The following RRP1B variants were observed in gnomAD, a reference collection of about 807,000 sequenced individuals.
RRP1B encodes the protein ribosomal RNA processing 1B, also known as ribosomal RNA processing protein 1 homolog B.
In RRP1B, 56 loss-of-function variants were observed where a neutral mutation model predicts 80.2. The ratio of observed to expected loss-of-function variants is 0.70; its 90% confidence interval spans 0.56 to 0.87. The LOEUF (loss-of-function observed/expected upper bound fraction) is 0.87, where lower values mean the gene tolerates loss of function less well. Ranked by LOEUF, RRP1B falls within the 40% of genes least tolerant of loss-of-function variation. The pLI is 0.00. For missense variants in RRP1B, 807 were observed against 939.8 expected, an observed-to-expected ratio of 0.86 and a Z score of 1.85; for synonymous variants, 351 against 357.6, an observed-to-expected ratio of 0.98 and a Z score of 0.21.
intron 11 of RRP1B, 88 bp downstream of exon 11, chr21:43,685,877 G>C (rs2083061301): frequency 6.7e-7 from 1 of 1,486,564 alleles, no homozygotes; most frequent in East Asian, 2.4e-5. Context: ...TGAGAAACAA[G>C]ATTGAAAGAA....
At chr21:43,664,349 A>G (rs541682733) in intron 1 of RRP1B, among the ~76,000 whole-genome samples, 4 of 152,238 alleles carry the variant, frequency 2.6e-5, no homozygotes, top group Admixed American at 6.5e-5. Flanking sequence ...AAAAAAGAAA[A>G]AGAAAAAAGG....
At chr21:43,689,106 C>A (rs2236665) in intron 13 of RRP1B, among the ~76,000 whole-genome samples, 107,162 of 152,170 alleles carry the variant, frequency 0.7, 38,798 homozygotes, top group African/African-American at 0.86. Flanking sequence ...CTCTGGGCGC[C>A]CTGGGCTTCC....
Position 43,693,500 on chromosome 21 carries a change from G to C in RRP1B, c.*117G>C. On this transcript the variant is annotated 3_prime_UTR_variant, in exon 16 of 16. Transcript: ENST00000340648. This position sits in a 1 kb window ranked among gnomAD's most constrained non-coding sequence, Gnocchi z 4.1. ...GTAAGTTCCCATAAGTTGTGTGCACGAGGTTCTGAGAGTGCCCGCAGGCTG... is the reference window on the plus strand; with the variant it reads ...GTAAGTTCCCATAAGTTGTGTGCACCAGGTTCTGAGAGTGCCCGCAGGCTG... 3.9e-6 allele frequency: 4 copies of C among 1,035,636 alleles called. No individual in the cohort carries two copies. The highest frequency in any genetic ancestry group is 5.3e-6 in the Non-Finnish European group (4 of 750,568). 64.2% of individuals were successfully genotyped at this position (1,035,636 alleles called of 1,614,324 possible).
chr21:43,668,340 A>G (rs1019549151), intron 1 of RRP1B, among the ~76,000 whole-genome samples: 4 of 151,724 alleles, frequency 2.6e-5, no homozygotes, highest in African/African-American at 9.7e-5. Context: ...ACTTTGGTCC[A>G]TTAAAAGGTC....
At chr21:43,688,426 G>A (rs922627742) in intron 13 of RRP1B, among the ~76,000 whole-genome samples, 186 bp downstream of exon 13, 4 of 152,216 alleles carry the variant, frequency 2.6e-5, no homozygotes, top group African/African-American at 9.7e-5. Context: ...CCAGTACTTC[G>A]GTCCTCCTCA....
intron 2 of RRP1B, 93 bp from the exon 3 acceptor site, chr21:43,672,215 A>T: frequency 9.7e-7 from 1 of 1,035,500 alleles, no homozygotes; most frequent in South Asian, 1.3e-5. Context: ...CCTTCCCACG[A>T]GCGGAAGTGG....
chr21:43,659,564 G>T lies in RRP1B; in HGVS notation c.-101G>T. On this transcript the variant is annotated 5_prime_UTR_variant, in exon 1 of 16. Coordinates refer to ENST00000340648, the MANE Select transcript of RRP1B (RefSeq NM_015056.3). The surrounding 1 kb of genome is among the most constrained non-coding windows in gnomAD (Gnocchi z 4.2). The stretch of plus-strand genomic sequence containing the variant: ...GCGCGCCGCCGCCGCCGCCTTCTGT[G>T]CAGTCGCGGCCCGGGCGGACGGTGG... 3 of 1,201,822 alleles carry T rather than the reference G, an allele frequency of 2.5e-6. No individual in the cohort carries two copies. The highest frequency in any genetic ancestry group is 3.1e-6 in the Non-Finnish European group (3 of 964,202). The allele number at this position is 1,201,822 out of a possible 1,614,324, so 74.4% of individuals were successfully genotyped here.
intron 1 of RRP1B, among the ~76,000 whole-genome samples, chr21:43,668,700 T>A (rs1444736949): frequency 6.6e-6 from 1 of 152,140 alleles, no homozygotes; most frequent in Admixed American, 6.5e-5. Context: ...TCTTTTGGAG[T>A]ATTAAGATCA....
rs2083015717 is a variant in RRP1B, at chr21:43,674,969, T to C, written c.420-65T>C. ...AGGTTCTAGACGGAGTATTTTTGTTTCTCTTTGGGAAGTGGGACGTGTTGG... is the reference window on the plus strand; with the variant it reads ...AGGTTCTAGACGGAGTATTTTTGTTCCTCTTTGGGAAGTGGGACGTGTTGG... On this transcript the variant is annotated intron_variant, in intron 5 of 15. Coordinates refer to ENST00000340648, the MANE Select transcript of RRP1B (RefSeq NM_015056.3). 10 of 1,590,744 alleles carry C rather than the reference T, an allele frequency of 6.3e-6. No individual in the cohort carries two copies. The Admixed American group carries it at 1.8e-4, about 28-fold the overall frequency.
chr21:43,669,211 G>T (rs973830735), intron 1 of RRP1B, among the ~76,000 whole-genome samples: 6 of 152,092 alleles, frequency 3.9e-5, no homozygotes, highest in Non-Finnish European at 7.4e-5. Context: ...TGCAGGGAGG[G>T]TGATTGACAA....
chr21:43,676,029 A>T lies in RRP1B; in HGVS notation c.550-243A>T, dbSNP rs2083020931. 2.0e-5 allele frequency among the ~76,000 whole-genome samples: 3 copies of T among 152,246 alleles called. No homozygotes were observed. The South Asian group carries it at 6.2e-4, about 32-fold the overall frequency. On this transcript the variant is annotated intron_variant, in intron 6 of 15. Coordinates refer to ENST00000340648, the MANE Select transcript of RRP1B (RefSeq NM_015056.3). Reference sequence around the variant, plus strand: ...ATATGTTGGGCATATAGGATAGTGCAGGTCAGGCTGGGTGGCTTTCTCCAG... The same window carrying T: ...ATATGTTGGGCATATAGGATAGTGCTGGTCAGGCTGGGTGGCTTTCTCCAG...
At chr21:43,689,329 A>G (rs1260885482) in intron 13 of RRP1B, among the ~76,000 whole-genome samples, 1 of 152,214 alleles carries the variant, frequency 6.6e-6, no homozygotes, top group African/African-American at 2.4e-5. Context: ...AGATTATGAC[A>G]TCTCTTGTTT....
chr21:43,676,345 T>A lies in RRP1B; in HGVS notation c.614+9T>A, dbSNP rs1461689049. 1 of 1,603,936 alleles carries A rather than the reference T, an allele frequency of 6.2e-7. No individual in the cohort carries two copies. The highest frequency in any genetic ancestry group is 8.5e-7 in the Non-Finnish European group (1 of 1,171,674). On this transcript the variant is annotated intron_variant, in intron 7 of 15. Transcript: ENST00000340648. ...GCTGCGAAGACGAAGGAGTAAGTGA[T>A]TCCCCTGTTCGTTCCTCCTGCTCCG...
chr21:43,674,023 T>G (rs1240010265), intron 4 of RRP1B, 68 bp downstream of exon 4: 1 of 1,186,388 alleles, frequency 8.4e-7, no homozygotes, highest in East Asian at 2.4e-5. Flanking sequence ...TTAAAAACAA[T>G]GGGAAGGTTT....
Position 43,688,039 on chromosome 21 carries a change from A to C in RRP1B, c.1665A>C (p.Ala555=). The part of the protein sequence containing the change: ...LQQEGPPTGP[A]EGANSHTTLP... ...AGGAAGGCCCTCCCACAGGCCCCGCAGAGGGGGCGAACAGCCACACCACGC... is the reference window on the plus strand; with the variant it reads ...AGGAAGGCCCTCCCACAGGCCCCGCCGAGGGGGCGAACAGCCACACCACGC... Residue 555 remains alanine, a synonymous_variant, in exon 13 of 16, where the codon GCA becomes GCC. Coordinates refer to ENST00000340648, the MANE Select transcript of RRP1B (RefSeq NM_015056.3). 1 of 1,612,040 alleles carries C rather than the reference A, an allele frequency of 6.2e-7. No individual in the cohort carries two copies. Among genetic ancestry groups the C allele is most frequent in the Non-Finnish European group, 8.5e-7 (1 of 1,179,420 alleles).
Position 43,690,289 on chromosome 21 carries a change from G to A in RRP1B, c.1868G>A (p.Gly623Glu), listed in dbSNP as rs766223060. 3.1e-6 allele frequency: 5 copies of A among 1,614,204 alleles called. No individual in the cohort carries two copies. In the South Asian group the frequency reaches 4.4e-5, roughly 14 times the overall value. ...GCTTCTCACCCCTCGCTCACGTAGG[G>A]AAGCAGTGGGACTTGCAGTTCCCTG... ...ESEAGQPQALGSSGTCSSLKK... is the reference protein window; with the variant it reads ...ESEAGQPQALESSGTCSSLKK... The change falls in exon 14 of 16, where the codon GGA becomes GAA. Residue 623 changes from glycine to glutamate, a missense_variant and splice_region_variant. Physicochemically the swap from Gly to Glu is moderately conservative, Grantham distance 98. Transcript: ENST00000340648.
At chr21:43,678,560 G>A (rs2083031062) in intron 8 of RRP1B, among the ~76,000 whole-genome samples, 2 of 152,132 alleles carry the variant, frequency 1.3e-5, no homozygotes, top group South Asian at 4.1e-4. Flanking sequence ...TGTGTTTGTT[G>A]ACCATTTGTA....
intron 8 of RRP1B, among the ~76,000 whole-genome samples, chr21:43,677,517 C>T (rs1049174603): frequency 6.6e-6 from 1 of 152,162 alleles, no homozygotes; most frequent in Non-Finnish European, 1.5e-5. Context: ...TAGATCACAG[C>T]TTACCCATGC....
chr21:43,676,394 T>C, intron 7 of RRP1B, 58 bp downstream of exon 7: 4 of 1,353,898 alleles, frequency 3.0e-6, no homozygotes, highest in Non-Finnish European at 2.1e-6. Flanking sequence ...TGGGAGTTAC[T>C]TGCCGTCGTG....
Sources: allele counts gnomAD v4.1 joint callset (sites outside exome capture counted in the v4.1 genomes callset), GRCh38; gene constraint gnomAD v4.1.1; non-coding constraint Gnocchi (gnomAD v3.1); transcripts MANE v1.5; gene names NCBI Gene and HGNC (gene_info 2026-07-23, HGNC 2026-07-21).